CDH13: variants seen among roughly 807,000 people sequenced by gnomAD.
CDH13 encodes cadherin-13.
In CDH13, 24 loss-of-function variants were observed where a neutral mutation model predicts 63.8. The observed-to-expected ratio is 0.38, with a 90% confidence interval of 0.27 to 0.53. The LOEUF (loss-of-function observed/expected upper bound fraction) is 0.53, where lower values mean the gene tolerates loss of function less well. Ranked by LOEUF, CDH13 falls within the 20% of genes least tolerant of loss-of-function variation. The pLI is 0.85. For missense variants in CDH13, 1,049 were observed against 903.1 expected, an observed-to-expected ratio of 1.16 and a Z score of -2.07; for synonymous variants, 503 against 355.3, an observed-to-expected ratio of 1.42 and a Z score of -4.67.
At chr16:83,739,259 CA>C (rs957293794) in intron 10 of CDH13, among the ~76,000 whole-genome samples, 2 of 151,506 alleles carry the variant, frequency 1.3e-5, no homozygotes, top group Non-Finnish European at 2.9e-5. Context: ...ACCAGCCCCC[CA>C]AAAAAAACCC....
intron 6 of CDH13, among the ~76,000 whole-genome samples, chr16:83,374,015 G>A (rs754372838): frequency 3.9e-5 from 6 of 152,276 alleles, no homozygotes; most frequent in Middle Eastern, 3.4e-3. Flanking sequence ...TCTCTATTCA[G>A]GCCAGCCTCT....
rs1325182835 is a variant in CDH13, at chr16:82,694,936, C to G, written c.45+67799C>G. On this transcript the variant is annotated intron_variant, in intron 1 of 13. Transcript: ENST00000567109. The stretch of plus-strand genomic sequence containing the variant: ...GAACTGAGGAGTCAAGGAGGGAAGC[C>G]TTCTCTGATTATATGACCATGGAGC... Among the ~76,000 whole-genome samples, 5 of 152,116 alleles carry G rather than the reference C, an allele frequency of 3.3e-5. No individual in the cohort carries two copies. The East Asian group carries it at 9.6e-4, about 29-fold the overall frequency.
At chr16:83,231,262 T>A (rs939682745) in intron 5 of CDH13, among the ~76,000 whole-genome samples, 2 of 152,168 alleles carry the variant, frequency 1.3e-5, no homozygotes, top group African/African-American at 4.8e-5. Context: ...GCCGGTACCC[T>A]GGGGTGATGG....
rs1043937445 is a variant in CDH13 at position 82,763,460 on chromosome 16, T to C, written c.46-94902T>C. Among the ~76,000 whole-genome samples the C allele has an allele frequency of 5.3e-5, 8 of 152,264 alleles. No homozygotes were observed. In the East Asian group the frequency reaches 1.4e-3, roughly 26 times the overall value. On this transcript the variant is annotated intron_variant, in intron 1 of 13. Coordinates refer to ENST00000567109, the MANE Select transcript of CDH13 (RefSeq NM_001257.5). Reference sequence around the variant, plus strand: ...AGAGCACCTGTGACATAGTGAACACTCAACAACTGTTTGCTGAATGAAAGA... The same window carrying C: ...AGAGCACCTGTGACATAGTGAACACCCAACAACTGTTTGCTGAATGAAAGA...
intron 6 of CDH13, among the ~76,000 whole-genome samples, chr16:83,360,754 C>T (rs1050623366): frequency 6.6e-6 from 1 of 152,086 alleles, no homozygotes; most frequent in Non-Finnish European, 1.5e-5. Flanking sequence ...TAAAGGCTTC[C>T]AGCTGTATCC....
chr16:82,977,300 G>A (rs180942874), intron 2 of CDH13, among the ~76,000 whole-genome samples: 2 of 152,208 alleles, frequency 1.3e-5, no homozygotes, highest in Admixed American at 1.3e-4. Flanking sequence ...GCACAGTGAG[G>A]GCCAGGGTAT....
chr16:83,284,196 A>G (rs2089253305), intron 5 of CDH13, among the ~76,000 whole-genome samples: 1 of 152,188 alleles, frequency 6.6e-6, no homozygotes, highest in Non-Finnish European at 1.5e-5. Flanking sequence ...GGACTTTGGT[A>G]AACACCCTCT....
intron 3 of CDH13, among the ~76,000 whole-genome samples, chr16:83,114,939 C>T (rs1416470587): frequency 1.3e-5 from 2 of 152,218 alleles, no homozygotes; most frequent in South Asian, 2.1e-4. Context: ...TGGAGATTGG[C>T]TTCTGCAGTT....
chr16:83,570,997 C>T (rs892348219), intron 7 of CDH13, among the ~76,000 whole-genome samples: 5 of 140,524 alleles, frequency 3.6e-5, no homozygotes, highest in African/African-American at 5.2e-5. Flanking sequence ...CACCCAAGGG[C>T]CAGCACCTCC....
chr16:83,298,187 G>A (rs187671009), intron 5 of CDH13, among the ~76,000 whole-genome samples: 9 of 152,160 alleles, frequency 5.9e-5, no homozygotes, highest in African/African-American at 1.7e-4. Context: ...AGGCTGTAGC[G>A]AGCAATGATC....
intron 1 of CDH13, among the ~76,000 whole-genome samples, chr16:82,630,289 T>C (rs770000968): frequency 1.4e-4 from 21 of 152,180 alleles, no homozygotes; most frequent in Non-Finnish European, 1.9e-4. Flanking sequence ...GGAAATGGAA[T>C]ATGTAGTGAA....
At chr16:82,747,324 G>C (rs1404815107) in intron 1 of CDH13, among the ~76,000 whole-genome samples, 1 of 152,194 alleles carries the variant, frequency 6.6e-6, no homozygotes, top group Non-Finnish European at 1.5e-5. Context: ...GCACGTTAAA[G>C]TTTGAGGTGT....
intron 8 of CDH13, among the ~76,000 whole-genome samples, 177 bp downstream of exon 8, chr16:83,602,771 T>C (rs1035712350): frequency 1.3e-5 from 2 of 149,122 alleles, no homozygotes; most frequent in Non-Finnish European, 2.9e-5. Context: ...TTTGTGTTTG[T>C]GTGTGAGGCT....
chr16:83,377,182 T>A (rs952827667), intron 6 of CDH13, among the ~76,000 whole-genome samples: 2 of 152,196 alleles, frequency 1.3e-5, no homozygotes, highest in Non-Finnish European at 2.9e-5. Context: ...AATGTTTAGA[T>A]GTTTTCATTC....
chr16:82,719,717 G>C (rs1183608541), intron 1 of CDH13, among the ~76,000 whole-genome samples: 1 of 151,944 alleles, frequency 6.6e-6, no homozygotes, highest in African/African-American at 2.4e-5. Context: ...GTGGTGGTGG[G>C]TGTCTATAAT....
chr16:82,995,655 G>T (rs936322524), intron 2 of CDH13, among the ~76,000 whole-genome samples: 2 of 152,096 alleles, frequency 1.3e-5, no homozygotes, highest in African/African-American at 4.8e-5. Flanking sequence ...ACACCATGGT[G>T]TATCGTAAAA....
chr16:83,216,448 A>ACACATACACAC (rs2039532378), intron 4 of CDH13, among the ~76,000 whole-genome samples: 2 of 115,680 alleles, frequency 1.7e-5, no homozygotes, highest in African/African-American at 6.0e-5. Context: ...ATATATACAC[A>ACACATACACAC]ACCCTAATTT....
intron 1 of CDH13, chr16:82,826,278 G>A (rs1204455511): frequency 6.6e-6 from 1 of 152,212 alleles, no homozygotes; most frequent in Non-Finnish European, 1.5e-5. Flanking sequence ...GCTTTCTCAT[G>A]AAGTTAGACT....
At chr16:82,776,660 T>G (rs2035511445) in intron 1 of CDH13, among the ~76,000 whole-genome samples, 1 of 152,214 alleles carries the variant, frequency 6.6e-6, no homozygotes, top group African/African-American at 2.4e-5. Context: ...TTTGTTTTCA[T>G]TGCGCCCACA....
Sources: gnomAD v4.1 joint callset for allele counts (sites outside exome capture counted in the v4.1 genomes callset) on GRCh38, gnomAD v4.1.1 for gene constraint, MANE v1.5 for transcripts, NCBI Gene and HGNC (gene_info 2026-07-23, HGNC 2026-07-21) for gene names.